The following HS3ST4 variants were observed in gnomAD, a reference collection of about 807,000 sequenced individuals.
HS3ST4 encodes heparan sulfate glucosamine 3-O-sulfotransferase 4.
HS3ST4 carries 17 observed loss-of-function variants against 29.2 expected under a neutral mutation model. The ratio of observed to expected loss-of-function variants is 0.58; its 90% CI spans 0.40 to 0.87. HS3ST4 has a LOEUF of 0.87. Among genes scored for constraint, HS3ST4 ranks in the 40% least tolerant of loss-of-function variants. The probability of loss-of-function intolerance (pLI) is 0.00; values close to 1 mark genes in which losing one functional copy is unlikely to be tolerated. For synonymous variants in HS3ST4, 314 were observed against 285.7 expected (o/e 1.10, Z -1.00); for missense variants, 627 against 634.5 (o/e 0.99, Z 0.13).
intron 1 of HS3ST4, among the ~76,000 whole-genome samples, chr16:26,040,081 C>T (rs889285288): frequency 3.3e-5 from 5 of 152,168 alleles, no homozygotes; most frequent in Admixed American, 6.5e-5. Flanking sequence ...AACAACACTT[C>T]GCATGAACGC....
At chr16:25,765,821 A>G (rs1240211561) in intron 1 of HS3ST4, among the ~76,000 whole-genome samples, 2 of 152,122 alleles carry the variant, frequency 1.3e-5, no homozygotes, top group Non-Finnish European at 2.9e-5. Flanking sequence ...GCAGTGGGCC[A>G]AGTCAGACAA....
intron 1 of HS3ST4, among the ~76,000 whole-genome samples, chr16:25,938,927 A>G (rs559284291): frequency 6.6e-6 from 1 of 152,354 alleles, no homozygotes; most frequent in South Asian, 2.1e-4. Flanking sequence ...TTCTCCTGCT[A>G]AACCAGACGT....
intron 1 of HS3ST4, among the ~76,000 whole-genome samples, chr16:26,079,034 A>T (rs963888049): frequency 1.3e-5 from 2 of 152,186 alleles, no homozygotes; most frequent in Admixed American, 1.3e-4. Flanking sequence ...GCAGGAAGAA[A>T]AGAAGGGGCT....
chr16:25,968,181 C>T (rs1052096920), intron 1 of HS3ST4, among the ~76,000 whole-genome samples: 9 of 152,066 alleles, frequency 5.9e-5, no homozygotes, highest in Non-Finnish European at 1.0e-4. Context: ...GGACTGCGGG[C>T]GGAAGCGGAT....
At chr16:25,850,986 A>G (rs1399707810) in intron 1 of HS3ST4, among the ~76,000 whole-genome samples, 1 of 152,178 alleles carries the variant, frequency 6.6e-6, no homozygotes, top group African/African-American at 2.4e-5. Context: ...GTAATTTCCT[A>G]TTTTACTTCC....
chr16:25,776,367 C>T (rs186333772), intron 1 of HS3ST4, among the ~76,000 whole-genome samples: 10 of 152,300 alleles, frequency 6.6e-5, no homozygotes, highest in African/African-American at 2.4e-4. Context: ...CTGATTGCCT[C>T]CTTTGGAGAG....
chr16:26,120,250 T>C (rs1899257899), intron 1 of HS3ST4, among the ~76,000 whole-genome samples: 1 of 152,186 alleles, frequency 6.6e-6, no homozygotes, highest in Non-Finnish European at 1.5e-5. Flanking sequence ...TGTTATATGA[T>C]CAGACTGATT....
chr16:25,693,003 A>C lies in HS3ST4; in HGVS notation c.586A>C (p.Lys196Gln), dbSNP rs1966268335. The change falls in exon 1 of 2, where the codon AAG becomes CAG. Residue 196 changes from lysine to glutamine, a missense_variant. Lys to Gln is a moderately conservative substitution (Grantham distance 53). This residue lies in a region of HS3ST4 where 402 missense variants were observed against 340.8 expected (regional missense o/e 1.18). Transcript: ENST00000331351. ...CAGCACCCCCGACTATGGGGAGAAG[A>C]AGCTGCCACAGGCGCTCATCATCGG... ...AVSTPDYGEK[K>Q]LPQALIIGVK... 1.2e-6 allele frequency: 2 copies of C among 1,611,336 alleles called. No individual in the cohort carries two copies. The highest frequency in any genetic ancestry group is 1.7e-6 in the Non-Finnish European group (2 of 1,179,214).
intron 1 of HS3ST4, among the ~76,000 whole-genome samples, chr16:26,046,875 G>A (rs1898274918): frequency 6.6e-6 from 1 of 152,092 alleles, no homozygotes; most frequent in African/African-American, 2.4e-5. Flanking sequence ...GCAGAAATGA[G>A]TCACTTTAAT....
chr16:25,888,835 G>A (rs138202901), intron 1 of HS3ST4, among the ~76,000 whole-genome samples: 5 of 152,316 alleles, frequency 3.3e-5, no homozygotes, highest in Non-Finnish European at 7.4e-5. Flanking sequence ...ATGCTCAGAT[G>A]CTTGGAGGCC....
At chr16:25,757,564 C>T (rs1026245435) in intron 1 of HS3ST4, among the ~76,000 whole-genome samples, 4 of 148,442 alleles carry the variant, frequency 2.7e-5, no homozygotes, top group African/African-American at 9.8e-5. Context: ...TTCAGTATTA[C>T]TATATATAAT....
At chr16:25,959,791 A>T (rs548986054) in intron 1 of HS3ST4, among the ~76,000 whole-genome samples, 45 of 152,114 alleles carry the variant, frequency 3.0e-4, no homozygotes, top group African/African-American at 1.0e-3. Flanking sequence ...CTCCCTCATT[A>T]CCTTGGTAAT....
chr16:25,858,079 C>T (rs68023536), intron 1 of HS3ST4, among the ~76,000 whole-genome samples: 10,980 of 149,226 alleles, frequency 0.074, 456 homozygotes, highest in African/African-American at 0.12. Context: ...TTCTCTCTCT[C>T]GCTTTTTTCT....
chr16:26,063,969 C>T (rs1898511914), intron 1 of HS3ST4, among the ~76,000 whole-genome samples: 1 of 152,176 alleles, frequency 6.6e-6, no homozygotes, highest in Non-Finnish European at 1.5e-5. Context: ...ACAACTAAAA[C>T]ACTGTCAGGA....
chr16:25,896,809 A>G (rs989386393), intron 1 of HS3ST4, among the ~76,000 whole-genome samples: 1 of 152,242 alleles, frequency 6.6e-6, no homozygotes, highest in African/African-American at 2.4e-5. Flanking sequence ...ATAGAATACT[A>G]CACAGCTGTA....
At chr16:25,902,735 T>A (rs1010329035) in intron 1 of HS3ST4, among the ~76,000 whole-genome samples, 6 of 151,398 alleles carry the variant, frequency 4.0e-5, no homozygotes, top group Admixed American at 3.9e-4. Context: ...AAAGCGGCAA[T>A]GTGGTGGTTC....
In HS3ST4 at chr16:25,995,620, A is replaced by G. The variant is rs577916458; in HGVS notation, c.735-139992A>G. The stretch of plus-strand genomic sequence containing the variant: ...TGTCTCAATCGTGTGCCCATCCTGA[A>G]TGCACAAGAACTGTGAATGGGGGTG... On this transcript the variant is annotated intron_variant, in intron 1 of 1. Coordinates refer to ENST00000331351, the MANE Select transcript of HS3ST4 (RefSeq NM_006040.3). Among the ~76,000 whole-genome samples the G allele has an allele frequency of 1.2e-3, 190 of 152,308 alleles. 1 individual carries two copies. The highest frequency in any genetic ancestry group is 4.5e-3 in the African/African-American group (189 of 41,570).
At chr16:25,851,455 A>G (rs1284154985) in intron 1 of HS3ST4, among the ~76,000 whole-genome samples, 1 of 152,088 alleles carries the variant, frequency 6.6e-6, no homozygotes, top group Non-Finnish European at 1.5e-5. Context: ...TCTTCATTGC[A>G]TGCCCACTCC....
At chr16:25,791,458 A>G (rs921063858) in intron 1 of HS3ST4, among the ~76,000 whole-genome samples, 3 of 152,104 alleles carry the variant, frequency 2.0e-5, no homozygotes, top group Non-Finnish European at 4.4e-5. Flanking sequence ...AATTACATCC[A>G]ATTTGATTGG....
Sources: allele counts gnomAD v4.1 joint callset (sites outside exome capture counted in the v4.1 genomes callset), GRCh38; gene constraint gnomAD v4.1.1; regional missense constraint gnomAD v4.1.1; transcripts MANE v1.5; gene names NCBI Gene and HGNC (gene_info 2026-07-23, HGNC 2026-07-21).